ZNF367: variants seen among roughly 807,000 people sequenced by gnomAD.
The protein encoded by ZNF367 is zinc finger protein 367, also known as C2H2 zinc finger protein ZFF29.
ZNF367 carries 11 observed loss-of-function variants against 31.8 expected under a neutral mutation model. That is an observed-to-expected ratio of 0.35 (90% CI 0.22 to 0.57). The LOEUF is 0.57. Ranked by LOEUF, ZNF367 falls within the 20% of genes least tolerant of loss-of-function variation. ZNF367 has a pLI of 0.85. For missense variants in ZNF367, 353 were observed against 484.1 expected, an observed-to-expected ratio of 0.73 and a Z score of 2.54; for synonymous variants, 199 against 202.4, an observed-to-expected ratio of 0.98 and a Z score of 0.14.
Position 96,417,756 on chromosome 9 carries a change from C to A in ZNF367, c.277G>T (p.Ala93Ser). The A allele has an allele frequency of 1.6e-6, 2 of 1,235,396 alleles. No individual in the cohort carries two copies. Among genetic ancestry groups the A allele is most frequent in the Non-Finnish European group, 1.0e-6 (1 of 988,098 alleles). 76.5% of individuals were successfully genotyped at this position (1,235,396 alleles called of 1,614,324 possible). The change falls in exon 1 of 5, where the codon GCC (alanine) becomes TCC (serine). Residue 93 changes from alanine (A) to serine (S), a missense_variant. By Grantham distance (99) the Ala-to-Ser change is moderately conservative. This residue lies in a region of ZNF367 where 70 missense variants were observed against 57.1 expected (regional missense o/e 1.23). Coordinates refer to ENST00000375256, the MANE Select transcript of ZNF367 (RefSeq NM_153695.4). The surrounding 1 kb of genome is among the most constrained non-coding windows in gnomAD (Gnocchi z 5.0). The stretch of plus-strand genomic sequence containing the variant: ...GCGGCTGCGGCTGCAGGCAGGGCGG[C>A]CGAGGCGGCGGCCCCCGCGGCCCCA... Reference protein sequence around the residue: ...SPGAAGAAASAALPAAAAAEH... With the variant: ...SPGAAGAAASSALPAAAAAEH...
chr9:96,406,321 T>C (rs570002584), intron 1 of ZNF367, among the ~76,000 whole-genome samples: 11 of 152,330 alleles, frequency 7.2e-5, no homozygotes, highest in South Asian at 6.2e-4. Flanking sequence ...CCTTGAAGGA[T>C]AGTAATAAGC....
chr9:96,405,767 T>G (rs891199130), intron 1 of ZNF367, among the ~76,000 whole-genome samples: 15 of 152,138 alleles, frequency 9.9e-5, no homozygotes, highest in Non-Finnish European at 5.9e-5. Flanking sequence ...AGAAAGTAGG[T>G]TGTTGGTTTC....
chr9:96,387,823 C>CTGTTT lies in ZNF367; in HGVS notation c.*413_*414insAAACA, dbSNP rs1288328434. The stretch of plus-strand genomic sequence containing the variant: ...AGTGTTTACAGTATTGTTAAACATA[C>CTGTTT]TAATATATATTGTTAAAAATGATCT... On this transcript the variant is annotated 3_prime_UTR_variant, in exon 5 of 5. Coordinates refer to ENST00000375256, the MANE Select transcript of ZNF367 (RefSeq NM_153695.4). The CTGTTT allele has an allele frequency of 6.3e-6, 1 of 159,848 alleles. No individual in the cohort carries two copies. The allele number at this position is 159,848 out of a possible 1,614,324, so 9.9% of individuals were successfully genotyped here.
At position 96,387,170 on chromosome 9, in the gene ZNF367, G is replaced by T. The variant is rs907410199; in HGVS notation, c.*1067C>A. 7.2e-5 allele frequency: 11 copies of T among 152,174 alleles called. No homozygotes were observed. The highest frequency in any genetic ancestry group is 1.5e-4 in the Non-Finnish European group (10 of 68,014). 9.4% of individuals were successfully genotyped at this position (152,174 alleles called of 1,614,324 possible). A position where few individuals can be genotyped will look rare whatever the true frequency, so the allele number is the denominator to read the frequency against. Reference sequence around the variant, plus strand: ...CTTATTTGAGTAGCTAATATTTTCTGCAGTGTTTAACTGATAGCTAAATTT... The same window carrying T: ...CTTATTTGAGTAGCTAATATTTTCTTCAGTGTTTAACTGATAGCTAAATTT... On this transcript the variant is annotated 3_prime_UTR_variant, in exon 5 of 5. Coordinates refer to ENST00000375256, the MANE Select transcript of ZNF367 (RefSeq NM_153695.4).
chr9:96,389,829 A>T (rs552918910), intron 4 of ZNF367, among the ~76,000 whole-genome samples: 1 of 151,864 alleles, frequency 6.6e-6, no homozygotes, highest in Non-Finnish European at 1.5e-5. Flanking sequence ...TCCTGGGTTC[A>T]AACTATTCTC....
Position 96,417,764 on chromosome 9 carries a change from G to C in ZNF367, c.269C>G (p.Ala90Gly), listed in dbSNP as rs1240477668. The C allele has an allele frequency of 1.6e-6, 2 of 1,238,468 alleles. No homozygotes were observed. The highest frequency in any genetic ancestry group is 3.1e-5 in the African/African-American group (2 of 64,390). The allele number at this position is 1,238,468 out of a possible 1,614,324, so 76.7% of individuals were successfully genotyped here. A position where few individuals can be genotyped will look rare whatever the true frequency, so the allele number is the denominator to read the frequency against. ...GGCTGCAGGCAGGGCGGCCGAGGCG[G>C]CGGCCCCCGCGGCCCCAGGGCTGAG... ...VTLSPGAAGA[A>G]ASAALPAAAA... is the part of the protein sequence containing the mutation. The change falls in exon 1 of 5, where the codon GCC becomes GGC. Residue 90 changes from alanine (A) to glycine (G), a missense_variant. Ala to Gly is a moderately conservative substitution (Grantham distance 60). Transcript: ENST00000375256. This position sits in a 1 kb window ranked among gnomAD's most constrained non-coding sequence, Gnocchi z 5.0.
At chr9:96,392,813 G>A (rs1214755416) in intron 3 of ZNF367, among the ~76,000 whole-genome samples, 1 of 152,184 alleles carries the variant, frequency 6.6e-6, no homozygotes, top group Non-Finnish European at 1.5e-5. Flanking sequence ...GGCAGGGCGT[G>A]GTGGCTCACG....
chr9:96,407,980 A>AAAAT (rs3045262), intron 1 of ZNF367, among the ~76,000 whole-genome samples: 39,743 of 148,402 alleles, frequency 0.27, 5,758 homozygotes, highest in South Asian at 0.46. Context: ...AATGGAACAC[A>AAAAT]AAATAAATAA....
In ZNF367 at chr9:96,418,168, G is replaced by A; in HGVS notation, c.-136C>T. 8.1e-7 allele frequency: 1 copy of A among 1,228,748 alleles called. No individual in the cohort carries two copies. The highest frequency in any genetic ancestry group is 3.2e-5 in the East Asian group (1 of 31,550). 76.1% of individuals were successfully genotyped at this position (1,228,748 alleles called of 1,614,324 possible). A position where few individuals can be genotyped will look rare whatever the true frequency, so the allele number is the denominator to read the frequency against. Reference sequence around the variant, plus strand: ...AGACTGACGTTTCCCGGAATCCTGCGCAGCAGCCACCTAACTAGTTGAGCA... The same window carrying A: ...AGACTGACGTTTCCCGGAATCCTGCACAGCAGCCACCTAACTAGTTGAGCA... On this transcript the variant is annotated 5_prime_UTR_variant, in exon 1 of 5. Transcript: ENST00000375256.
chr9:96,417,900 C>T lies in ZNF367; in HGVS notation c.133G>A (p.Gly45Ser). The T allele has an allele frequency of 2.0e-6, 3 of 1,525,376 alleles. No homozygotes were observed. Among genetic ancestry groups the T allele is most frequent in the Non-Finnish European group, 2.6e-6 (3 of 1,145,514 alleles). The allele number at this position is 1,525,376 out of a possible 1,614,324, so 94.5% of individuals were successfully genotyped here. Residue 45 changes from glycine to serine, a missense_variant, in exon 1 of 5, where the codon GGC becomes AGC. By Grantham distance (56) the Gly-to-Ser change is moderately conservative. Coordinates refer to ENST00000375256, the MANE Select transcript of ZNF367 (RefSeq NM_153695.4). This position sits in a 1 kb window ranked among gnomAD's most constrained non-coding sequence, Gnocchi z 5.0. ...IRTTPIKPTC[G>S]GGGEPEPPPP... is the part of the protein sequence containing the mutation. ...GGCGGCTCCGGCTCCCCTCCACCGC[C>T]GCACGTTGGCTTGATCGGGGTCGTC...
At chr9:96,411,594 T>C (rs1831750170) in intron 1 of ZNF367, among the ~76,000 whole-genome samples, 1 of 151,916 alleles carries the variant, frequency 6.6e-6, no homozygotes, top group African/African-American at 2.4e-5. Context: ...CAAATAAATA[T>C]GCAAGAACAT....
At chr9:96,411,628 A>G (rs771737590) in intron 1 of ZNF367, among the ~76,000 whole-genome samples, 20 of 152,192 alleles carry the variant, frequency 1.3e-4, no homozygotes, top group Non-Finnish European at 2.4e-4. Context: ...GCAATTTGAA[A>G]TAACTGATTA....
rs1587743894 is a variant in ZNF367, at chr9:96,398,378, C to A, written c.421-64G>T. On this transcript the variant is annotated intron_variant, in intron 1 of 4. Transcript: ENST00000375256. ...AACGCTACTCATTAAAGCAACGTAT[C>A]ATAATATAACTTTCAAAAATCTTTC... The A allele has an allele frequency of 2.8e-6, 4 of 1,422,896 alleles. No homozygotes were observed. In the East Asian group the frequency reaches 7.1e-5, roughly 25 times the overall value. 88.1% of individuals were successfully genotyped at this position (1,422,896 alleles called of 1,614,324 possible). A position where few individuals can be genotyped will look rare whatever the true frequency, so the allele number is the denominator to read the frequency against.
intron 4 of ZNF367, 42 bp downstream of exon 4, chr9:96,392,356 C>T (rs992128920): frequency 1.1e-5 from 18 of 1,613,560 alleles, no homozygotes; most frequent in South Asian, 5.5e-5. Context: ...CCCCAGCCCG[C>T]GCTGTGCATC....
chr9:96,417,923 G>T lies in ZNF367; in HGVS notation c.110C>A (p.Thr37Lys). Residue 37 changes from threonine (T) to lysine (K), a missense_variant, in exon 1 of 5, where the codon ACG becomes AAG. Physicochemically the swap from Thr to Lys is moderately conservative, Grantham distance 78. Coordinates refer to ENST00000375256, the MANE Select transcript of ZNF367 (RefSeq NM_153695.4). The surrounding 1 kb of genome is among the most constrained non-coding windows in gnomAD (Gnocchi z 5.0). ...PKRVLVSVIR[T>K]TPIKPTCGGG... ...GCCGCACGTTGGCTTGATCGGGGTC[G>T]TCCTGATGACCGACACCAGCACCCG... 6.6e-7 allele frequency: 1 copy of T among 1,524,448 alleles called. No individual in the cohort carries two copies. The highest frequency in any genetic ancestry group is 8.7e-7 in the Non-Finnish European group (1 of 1,145,388). The allele number at this position is 1,524,448 out of a possible 1,614,324, so 94.4% of individuals were successfully genotyped here.
rs1831585325 is a variant in ZNF367, at chr9:96,400,354, C to G, written c.421-2040G>C. On this transcript the variant is annotated intron_variant, in intron 1 of 4. Transcript: ENST00000375256. ...GCTGCAGTGAGCCATGATTACACCACTGCTCTCCAGCCTGGGCAATAGAGC... is the reference window on the plus strand; with the variant it reads ...GCTGCAGTGAGCCATGATTACACCAGTGCTCTCCAGCCTGGGCAATAGAGC... Among the ~76,000 whole-genome samples the G allele has an allele frequency of 2.2e-5, 3 of 137,136 alleles. No individual in the cohort carries two copies. The South Asian group carries it at 6.8e-4, about 31-fold the overall frequency. 90.0% of individuals were successfully genotyped at this position (137,136 alleles called of 152,430 possible).
intron 3 of ZNF367, among the ~76,000 whole-genome samples, chr9:96,392,874 C>T (rs1831488095): frequency 6.6e-6 from 1 of 152,102 alleles, no homozygotes; most frequent in African/African-American, 2.4e-5. Flanking sequence ...CACTTGAGAT[C>T]AGGAGCTAGA....
At chr9:96,414,945 G>A (rs1831798522) in intron 1 of ZNF367, among the ~76,000 whole-genome samples, 1 of 151,994 alleles carries the variant, frequency 6.6e-6, no homozygotes, top group African/African-American at 2.4e-5. Context: ...AAGAACTTAT[G>A]AATGTATGCC....
At position 96,403,583 on chromosome 9, in the gene ZNF367, G is replaced by A. The variant is rs1030704286; in HGVS notation, c.421-5269C>T. The stretch of plus-strand genomic sequence containing the variant: ...TAATCTTGAAAAAGAGAACAAAACA[G>A]GAGGACTCACACTTCCCAATTTCAA... On this transcript the variant is annotated intron_variant, in intron 1 of 4. Coordinates refer to ENST00000375256, the MANE Select transcript of ZNF367 (RefSeq NM_153695.4). Among the ~76,000 whole-genome samples, 4 of 152,004 alleles carry A rather than the reference G, an allele frequency of 2.6e-5. No individual in the cohort carries two copies. The East Asian group carries it at 7.7e-4, about 29-fold the overall frequency.
Sources: allele counts gnomAD v4.1 joint callset (sites outside exome capture counted in the v4.1 genomes callset), GRCh38; gene constraint gnomAD v4.1.1; regional missense constraint gnomAD v4.1.1; non-coding constraint Gnocchi (gnomAD v3.1); transcripts MANE v1.5; gene names NCBI Gene and HGNC (gene_info 2026-07-23, HGNC 2026-07-21).